The following THSD7B variants were observed in gnomAD, a reference collection of about 807,000 sequenced individuals.
The protein encoded by THSD7B is thrombospondin type 1 domain containing 7B.
In THSD7B, 138 loss-of-function variants were observed where a neutral mutation model predicts 213.6. The observed-to-expected ratio is 0.65, with a 90% CI of 0.56 to 0.74. The LOEUF is 0.74. THSD7B is among the 30% of genes least tolerant of loss of function. THSD7B has a pLI of 0.00. For synonymous variants in THSD7B, 742 were observed against 687.0 expected, an observed-to-expected ratio of 1.08 and a Z score of -1.25; for missense variants, 1,931 against 1,991.5, an observed-to-expected ratio of 0.97 and a Z score of 0.58.
intron 15 of THSD7B, among the ~76,000 whole-genome samples, chr2:137,488,464 T>G (rs930020915): frequency 6.6e-6 from 1 of 151,790 alleles, no homozygotes; most frequent in African/African-American, 2.4e-5. Flanking sequence ...AGAAGCAGGT[T>G]TTCTTAATCT....
At chr2:137,492,749 T>C (rs76422461) in intron 15 of THSD7B, among the ~76,000 whole-genome samples, 2,802 of 152,260 alleles carry the variant, frequency 0.018, 90 homozygotes, top group African/African-American at 0.063. Context: ...TTGGCATAAA[T>C]TAGCACGTTA....
intron 2 of THSD7B, among the ~76,000 whole-genome samples, chr2:136,998,750 C>G (rs1474070576): frequency 6.6e-6 from 1 of 152,224 alleles, no homozygotes; most frequent in East Asian, 1.9e-4. Flanking sequence ...AGGATAGGAA[C>G]TTCAGATATC....
chr2:137,650,871 T>C (rs1320179900), intron 21 of THSD7B, among the ~76,000 whole-genome samples: 6 of 152,204 alleles, frequency 3.9e-5, no homozygotes, highest in Non-Finnish European at 7.4e-5. Flanking sequence ...TCTGATAATG[T>C]TGCATGTTAT....
chr2:137,582,468 T>C (rs1171174529), intron 17 of THSD7B, among the ~76,000 whole-genome samples: 1 of 151,566 alleles, frequency 6.6e-6, no homozygotes, highest in Non-Finnish European at 1.5e-5. Context: ...TAGGTATATC[T>C]CCTAATACTA....
chr2:137,148,616 G>T (rs1442805778), intron 5 of THSD7B, among the ~76,000 whole-genome samples: 1 of 152,168 alleles, frequency 6.6e-6, no homozygotes, highest in African/African-American at 2.4e-5. Context: ...GGACAATAAA[G>T]TCCAGGCTGA....
intron 3 of THSD7B, among the ~76,000 whole-genome samples, chr2:137,061,141 A>G (rs1240779789): frequency 2.0e-5 from 3 of 151,682 alleles, no homozygotes; most frequent in Admixed American, 1.3e-4. Context: ...TCATATTGCA[A>G]TTGTGCATTG....
intron 17 of THSD7B, among the ~76,000 whole-genome samples, chr2:137,583,740 A>AG (rs1681643361): frequency 6.6e-6 from 1 of 152,156 alleles, no homozygotes; most frequent in South Asian, 2.1e-4. Context: ...TGGTTACTGT[A>AG]GCCTTGTAGT....
chr2:137,675,445 T>C (rs532745505), intron 27 of THSD7B, among the ~76,000 whole-genome samples: 54 of 114,478 alleles, frequency 4.7e-4, no homozygotes, highest in African/African-American at 1.5e-3. Context: ...TATATATATA[T>C]ATGCGGACAG....
intron 15 of THSD7B, among the ~76,000 whole-genome samples, chr2:137,498,798 C>T (rs1679634105): frequency 6.6e-6 from 1 of 152,106 alleles, no homozygotes; most frequent in South Asian, 2.1e-4. Flanking sequence ...CATGGTAGCC[C>T]TTCCAAAACC....
At chr2:137,471,223 C>G (rs761145048) in intron 15 of THSD7B, among the ~76,000 whole-genome samples, 2 of 152,134 alleles carry the variant, frequency 1.3e-5, no homozygotes, top group Non-Finnish European at 2.9e-5. Context: ...ACCTGGCCAG[C>G]TCTTCCCATT....
chr2:137,268,509 C>G (rs1390999857), intron 10 of THSD7B, among the ~76,000 whole-genome samples: 1 of 152,100 alleles, frequency 6.6e-6, no homozygotes, highest in Non-Finnish European at 1.5e-5. Context: ...ATTATTCATG[C>G]CTCCCTTTTT....
chr2:136,787,683 T>G (rs979801035), intron 1 of THSD7B, among the ~76,000 whole-genome samples: 2 of 152,170 alleles, frequency 1.3e-5, no homozygotes, highest in African/African-American at 4.8e-5. Context: ...TGTATTAACC[T>G]TATTATTCAC....
chr2:137,599,199 C>A (rs1682028104), intron 17 of THSD7B, among the ~76,000 whole-genome samples: 1 of 151,506 alleles, frequency 6.6e-6, no homozygotes, highest in Non-Finnish European at 1.5e-5. Flanking sequence ...CATGTCCCTA[C>A]AAAGGATATG....
intron 1 of THSD7B, among the ~76,000 whole-genome samples, chr2:136,872,721 A>C (rs1683453588): frequency 6.8e-6 from 1 of 146,200 alleles, no homozygotes; most frequent in African/African-American, 2.5e-5. Context: ...TTAGAAGAAA[A>C]GGAGATTGGG....
chr2:136,835,632 C>T (rs779821177), intron 1 of THSD7B, among the ~76,000 whole-genome samples: 31 of 152,112 alleles, frequency 2.0e-4, no homozygotes, highest in Non-Finnish European at 4.3e-4. Context: ...TTCGTCTTTG[C>T]GGGGAGTAAC....
intron 2 of THSD7B, among the ~76,000 whole-genome samples, chr2:136,928,385 AC>A (rs962682568): frequency 5.9e-5 from 9 of 152,186 alleles, no homozygotes; most frequent in Non-Finnish European, 1.2e-4. Flanking sequence ...TGTAAGTCAA[AC>A]CATTCTAAGT....
chr2:136,853,083 T>C (rs1683126377), intron 1 of THSD7B, among the ~76,000 whole-genome samples: 1 of 151,982 alleles, frequency 6.6e-6, no homozygotes, highest in Non-Finnish European at 1.5e-5. Flanking sequence ...TTCATGTGCG[T>C]GTGTTTGTGA....
At chr2:137,504,994 CAGGAAGGGAGAAAGGG>C (rs1029805309) in intron 15 of THSD7B, among the ~76,000 whole-genome samples, 1 of 150,080 alleles carries the variant, frequency 6.7e-6, no homozygotes, top group African/African-American at 2.5e-5. Context: ...TGGAGGAAAG[CAGGAAGGGAGAAAGGG>C]AGGAAGGGAG....
chr2:137,112,766 A>C (rs1688371302), intron 4 of THSD7B, among the ~76,000 whole-genome samples: 2 of 113,406 alleles, frequency 1.8e-5, no homozygotes, highest in African/African-American at 5.5e-5. Flanking sequence ...ATAAAATGTT[A>C]ATGTACGTGT....
Sources: allele counts gnomAD v4.1 joint callset (sites outside exome capture counted in the v4.1 genomes callset), GRCh38; gene constraint gnomAD v4.1.1; transcripts MANE v1.5; gene names NCBI Gene and HGNC (gene_info 2026-07-23, HGNC 2026-07-21).